Variants in CLSPN observed in about 807,000 individuals in gnomAD.
CLSPN encodes the protein claspin homolog.
A neutral mutation model predicts 156.3 loss-of-function variants in CLSPN; 85 were observed. The ratio of observed to expected loss-of-function variants is 0.54; its 90% confidence interval spans 0.46 to 0.65. The LOEUF (loss-of-function observed/expected upper bound fraction) is 0.65. Ranked by LOEUF, CLSPN falls within the 30% of genes least tolerant of loss-of-function variation. CLSPN has a pLI of 0.00. For synonymous variants in CLSPN, 534 were observed against 542.4 expected, an observed-to-expected ratio of 0.98 and a Z score of 0.22; for missense variants, 1,407 against 1,554.9, an observed-to-expected ratio of 0.90 and a Z score of 1.60.
At position 35,733,300 on chromosome 1, in the gene CLSPN, A is replaced by T. The variant is rs568965996; in HGVS notation, c.*3196T>A. The T allele has an allele frequency of 4.4e-6, 1 of 225,292 alleles. No homozygotes were observed. Among genetic ancestry groups the T allele is most frequent in the Admixed American group, 6.9e-5 (1 of 14,520 alleles). 14.0% of individuals were successfully genotyped at this position (225,292 alleles called of 1,614,324 possible). On this transcript the variant is annotated 3_prime_UTR_variant, in exon 25 of 25. Coordinates refer to ENST00000318121, the MANE Select transcript of CLSPN (RefSeq NM_022111.4). ...CATTTTCTCCCTGGATTTCTCAGGC[A>T]CTAATTTTCTTTTTTTTTTCTTTTT... is the stretch of plus-strand genomic sequence containing the variant.
At chr1:35,769,659 G>T (rs543042061) in intron 1 of CLSPN, among the ~76,000 whole-genome samples, 188 bp downstream of exon 1, 121 of 152,246 alleles carry the variant, frequency 7.9e-4, no homozygotes, top group African/African-American at 2.8e-3. Context: ...GCCCGGCGGC[G>T]GGACGGGATG....
chr1:35,724,685 A>G (rs938757271), intron 24 of CLSPN, among the ~76,000 whole-genome samples: 2 of 152,228 alleles, frequency 1.3e-5, no homozygotes. Flanking sequence ...AAATTGTTCA[A>G]TAACATAGTG....
chr1:35,748,820 CTTTTTTTTTTTTTT>C (rs201350754), intron 12 of CLSPN: 111 of 293,456 alleles, frequency 3.8e-4, no homozygotes, highest in African/African-American at 2.7e-3. Flanking sequence ...CTTGAAAGTT[CTTTTTTTTTTTTTT>C]TTTTTTTTTT....
At chr1:35,743,590 G>T in intron 16 of CLSPN, 60 bp from the exon 17 acceptor site, 1 of 1,372,582 alleles carries the variant, frequency 7.3e-7, no homozygotes, top group Non-Finnish European at 1.0e-6. Flanking sequence ...CAAGTAGTCA[G>T]CCAAGTTATG....
rs762360135 is a variant in CLSPN at position 35,760,378 on chromosome 1, C to A, written c.1543G>T (p.Asp515Tyr). The change falls in exon 8 of 25, where the codon GAT becomes TAT. Residue 515 changes from aspartate to tyrosine, a missense_variant. Asp to Tyr is a radical substitution (Grantham distance 160). Transcript: ENST00000318121. ...TCAGGTTCAAGTATCACAAAGGAAT[C>A]TTCATCAGCACCTAGCCGTGGTTTA... ...SIKPRLGADE[D>Y]SFVILEPETN... 3.7e-6 allele frequency: 6 copies of A among 1,613,994 alleles called. No individual in the cohort carries two copies. The highest frequency in any genetic ancestry group is 3.4e-6 in the Non-Finnish European group (4 of 1,179,896).
Position 35,751,516 on chromosome 1 carries a change from A to T in CLSPN, c.1772-10T>A. On this transcript the variant is annotated splice_polypyrimidine_tract_variant and intron_variant, in intron 9 of 24. Coordinates refer to ENST00000318121, the MANE Select transcript of CLSPN (RefSeq NM_022111.4). ...ACCTGAAGCTTTTCACCTGAACAGA[A>T]ATATGTAGAAATGCTTTAGACATAA... 6.2e-7 allele frequency: 1 copy of T among 1,608,986 alleles called. No individual in the cohort carries two copies.
chr1:35,729,139 C>T (rs768141797), downstream of CLSPN, among the ~76,000 whole-genome samples: 4 of 151,902 alleles, frequency 2.6e-5, no homozygotes, highest in African/African-American at 7.3e-5. Flanking sequence ...GGGCAGTCAG[C>T]CTTTTTCCTT....
At chr1:35,753,644 A>G in intron 9 of CLSPN, 101 bp downstream of exon 9, 2 of 1,176,228 alleles carry the variant, frequency 1.7e-6, no homozygotes, top group South Asian at 2.7e-5. Context: ...CCTCCAAGGA[A>G]AAAGATTCTA....
rs553046201 is a variant in CLSPN, at chr1:35,751,256, A to G, written c.2022T>C (p.Asn674=). Residue 674 remains asparagine (N), a synonymous_variant, in exon 10 of 25, where the codon AAT becomes AAC. Coordinates refer to ENST00000318121, the MANE Select transcript of CLSPN (RefSeq NM_022111.4). ...CAACGTAATTGCCAGAAACCTCCTG[A>G]TTTCCTTCTTCTTCCTCCTCCTCTT... ...EKEEEEEEEG[N]QETAEFLLSS... 1.3e-6 allele frequency: 2 copies of G among 1,597,126 alleles called. No individual in the cohort carries two copies. The highest frequency in any genetic ancestry group is 1.7e-6 in the Non-Finnish European group (2 of 1,178,612).
chr1:35,748,498 T>A lies in CLSPN; in HGVS notation c.2379A>T (p.Thr793=). The A allele has an allele frequency of 1.2e-6, 2 of 1,614,152 alleles. No individual in the cohort carries two copies. The highest frequency in any genetic ancestry group is 2.2e-5 in the South Asian group (2 of 91,076). Residue 793 remains threonine (T), a synonymous_variant, in exon 13 of 25, where the codon ACA becomes ACT. Transcript: ENST00000318121. ...IPSYQPCNRQ[T]GRGTSFFPTA... ...TAGGGAAAAAACTGGTCCCACGGCCTGTTTGTCTGTTGCAAGGCTGATAGG... is the reference window on the plus strand; with the variant it reads ...TAGGGAAAAAACTGGTCCCACGGCCAGTTTGTCTGTTGCAAGGCTGATAGG...
chr1:35,721,396 T>G (rs114002977), intron 24 of CLSPN, among the ~76,000 whole-genome samples: 1,557 of 152,204 alleles, frequency 0.01, 24 homozygotes, highest in African/African-American at 0.036. Context: ...TGTTTTGTTT[T>G]GTTTTTTTCC....
chr1:35,732,237 T>C lies in CLSPN; in HGVS notation c.*4259A>G, dbSNP rs1398381343. Reference sequence around the variant, plus strand: ...CCATCTCAAGGATGACATAATCAAATAGTATCATGGGAACACTCCTCCCAG... The same window carrying C: ...CCATCTCAAGGATGACATAATCAAACAGTATCATGGGAACACTCCTCCCAG... On this transcript the variant is annotated 3_prime_UTR_variant, in exon 25 of 25. Transcript: ENST00000318121. The C allele has an allele frequency of 2.0e-6, 2 of 985,208 alleles. No homozygotes were observed. The highest frequency in any genetic ancestry group is 1.2e-6 in the Non-Finnish European group (1 of 829,896). The allele number at this position is 985,208 out of a possible 1,614,324, so 61.0% of individuals were successfully genotyped here.
chr1:35,743,095 A>G (rs1309848939), intron 18 of CLSPN, 46 bp downstream of exon 18: 1 of 1,527,888 alleles, frequency 6.5e-7, no homozygotes, highest in Non-Finnish European at 9.1e-7. Flanking sequence ...CCTAGTGACC[A>G]AATTTTAAAT....
intron 8 of CLSPN, among the ~76,000 whole-genome samples, chr1:35,758,788 CT>C (rs1461260781): frequency 7.3e-6 from 1 of 137,142 alleles, no homozygotes; most frequent in Non-Finnish European, 1.6e-5. Flanking sequence ...TCATATAGTG[CT>C]TTTTTCTTTT....
intron 18 of CLSPN, among the ~76,000 whole-genome samples, chr1:35,740,541 C>T (rs1438444412): frequency 3.9e-5 from 6 of 151,956 alleles, no homozygotes; most frequent in Non-Finnish European, 8.8e-5. Context: ...GCCTCAACCT[C>T]CCGAGTAGCT....
chr1:35,769,780 C>T (rs142222438), intron 1 of CLSPN, 67 bp downstream of exon 1: 27,975 of 1,488,210 alleles, frequency 0.019, 358 homozygotes, highest in South Asian at 0.027. Context: ...GGGTCTACCC[C>T]GGCCCCACCT....
intron 20 of CLSPN, 82 bp downstream of exon 20, chr1:35,739,054 C>T (rs891508248): frequency 2.0e-6 from 3 of 1,509,674 alleles, no homozygotes; most frequent in African/African-American, 2.7e-5. Flanking sequence ...CTGCCTCTGC[C>T]TCCCAAAGTG....
intron 23 of CLSPN, 96 bp downstream of exon 23, chr1:35,737,243 C>T: frequency 1.5e-6 from 2 of 1,292,944 alleles, no homozygotes; most frequent in South Asian, 2.5e-5. Flanking sequence ...CTGCAGCCAC[C>T]TCCTTCCTCT....
Position 35,735,288 on chromosome 1 carries a change from T to A in CLSPN, c.*1208A>T, listed in dbSNP as rs1194277503. ...TTTCTGACTTGGGTACCAGTTTAAG[T>A]CCTTATTAAGCAGCAAAAATTAATT... On this transcript the variant is annotated 3_prime_UTR_variant, in exon 25 of 25. Transcript: ENST00000318121. 4.1e-5 allele frequency: 40 copies of A among 985,274 alleles called. No individual in the cohort carries two copies. Among genetic ancestry groups the A allele is most frequent in the Non-Finnish European group, 4.7e-5 (39 of 829,938 alleles). 61.0% of individuals were successfully genotyped at this position (985,274 alleles called of 1,614,324 possible).
Sources: allele counts gnomAD v4.1 joint callset (sites outside exome capture counted in the v4.1 genomes callset), GRCh38; gene constraint gnomAD v4.1.1; transcripts MANE v1.5; gene names NCBI Gene and HGNC (gene_info 2026-07-23, HGNC 2026-07-21).